The following CUBN variants were observed in gnomAD, a reference collection of about 807,000 sequenced individuals.
The protein encoded by CUBN is 460 kDa receptor.
Under a neutral mutation model 405.3 loss-of-function variants are expected in CUBN, and 282 were observed. That is an observed-to-expected ratio of 0.70 (90% CI 0.63 to 0.77). The LOEUF (loss-of-function observed/expected upper bound fraction) is 0.77. Among genes scored for constraint, CUBN ranks in the 30% least tolerant of loss-of-function variants. The probability of loss-of-function intolerance (pLI) is 0.00; values close to 1 mark genes in which losing one functional copy is unlikely to be tolerated. For synonymous variants in CUBN, 1,684 were observed against 1,617.0 expected, an observed-to-expected ratio of 1.04 and a Z score of -0.99; for missense variants, 4,514 against 4,475.2, an observed-to-expected ratio of 1.01 and a Z score of -0.25.
In CUBN at chr10:16,863,282, A is replaced by G. The variant is rs553122901; in HGVS notation, c.9454+6354T>C. Among the ~76,000 whole-genome samples, 4 of 152,342 alleles carry G rather than the reference A, an allele frequency of 2.6e-5. No homozygotes were observed. The South Asian group carries it at 8.3e-4, about 32-fold the overall frequency. ...TACAGGGCTTAAAAAGAGCGGAAAT[A>G]AGCTTAGTTGGGTTTTTCTTTAAAT... On this transcript the variant is annotated intron_variant, in intron 59 of 66. Coordinates refer to ENST00000377833, the MANE Select transcript of CUBN (RefSeq NM_001081.4).
chr10:17,103,684 A>G (rs554955407), intron 12 of CUBN, among the ~76,000 whole-genome samples: 2 of 152,348 alleles, frequency 1.3e-5, no homozygotes, highest in South Asian at 4.1e-4. Flanking sequence ...ATATAACAAC[A>G]ACCTCTCAAT....
chr10:16,886,191 CAT>C (rs141249186), intron 56 of CUBN, among the ~76,000 whole-genome samples: 1,864 of 152,228 alleles, frequency 0.012, 47 homozygotes, highest in African/African-American at 0.042. Context: ...TAAGCAAACA[CAT>C]GTGCTGAAAA....
At position 17,087,482 on chromosome 10, in the gene CUBN, T is replaced by TA. The variant is rs1564510424; in HGVS notation, c.1947+681_1947+682insT. Among the ~76,000 whole-genome samples the TA allele has an allele frequency of 2.9e-3, 369 of 128,066 alleles. 2 individuals carry two copies. Among genetic ancestry groups the TA allele is most frequent in the Middle Eastern group, 0.012 (3 of 256 alleles). The allele number at this position is 128,066 out of a possible 152,430, so 84.0% of individuals were successfully genotyped here. On this transcript the variant is annotated intron_variant, in intron 15 of 66. Coordinates refer to ENST00000377833, the MANE Select transcript of CUBN (RefSeq NM_001081.4). ...ATTATTTTTCTTTTTCTTTTTTTTT[T>TA]TTTTTTTTTTTTAGACAGAGCCTCA... is the stretch of plus-strand genomic sequence containing the variant.
Position 16,925,735 on chromosome 10 carries a change from G to C in CUBN, c.6311C>G (p.Thr2104Arg), listed in dbSNP as rs372611470. Residue 2104 changes from threonine (T) to arginine (R), a missense_variant, in exon 42 of 67, where the codon ACG becomes AGG. Transcript: ENST00000377833. ...GTAAGTCTCTGGATACTTGGGGGAC[G>C]TGATGATCCCTCTGTCTGCATGCAA... ...GYLHADRGII[T>R]SPKYPETYPS... The C allele has an allele frequency of 1.9e-6, 3 of 1,613,960 alleles. No individual in the cohort carries two copies. Among genetic ancestry groups the C allele is most frequent in the Non-Finnish European group, 2.5e-6 (3 of 1,179,916 alleles).
chr10:16,876,783 C>T, intron 57 of CUBN, 114 bp downstream of exon 57: 1 of 936,896 alleles, frequency 1.1e-6, no homozygotes, highest in East Asian at 2.5e-5. Context: ...CAATCTTTTT[C>T]CCTTAAATTC....
At position 17,114,144 on chromosome 10, in the gene CUBN, T is replaced by G; in HGVS notation, c.766A>C (p.Asn256His). 1.9e-6 allele frequency: 3 copies of G among 1,613,834 alleles called. No individual in the cohort carries two copies. Among genetic ancestry groups the G allele is most frequent in the Non-Finnish European group, 2.5e-6 (3 of 1,179,922 alleles). ...CTGTCCAGCGTGCAGGCAGGGCTGT[T>G]GGGTGAAAACATCCACCCAGCATCA... The part of the protein sequence containing the change: ...VCDAGWMFSP[N>H]SPACTLDRDE... Residue 256 changes from asparagine to histidine, a missense_variant, in exon 8 of 67, where the codon AAC becomes CAC. Around this residue, in one of 5 missense-constraint regions of CUBN, gnomAD observed 1,448 missense variants for 1,388.0 expected, o/e 1.04. Transcript: ENST00000377833.
At chr10:17,115,713 C>T (rs879051846) in intron 6 of CUBN, 116 bp from the exon 7 acceptor site, 44 of 1,310,982 alleles carry the variant, frequency 3.4e-5, no homozygotes, top group Middle Eastern at 4.0e-4. Flanking sequence ...AACTTGGAAT[C>T]GTCAGCCAGC....
chr10:16,860,276 T>C (rs1239255961), intron 59 of CUBN, among the ~76,000 whole-genome samples: 2 of 152,108 alleles, frequency 1.3e-5, no homozygotes, highest in Non-Finnish European at 2.9e-5. Context: ...TTCTTCAGGA[T>C]AGAGACAAGT....
chr10:16,878,769 T>C (rs1840586159), intron 56 of CUBN, among the ~76,000 whole-genome samples: 1 of 152,248 alleles, frequency 6.6e-6, no homozygotes, highest in African/African-American at 2.4e-5. Context: ...TTTCCGCCTC[T>C]ATGGATTTGT....
Position 16,920,035 on chromosome 10 carries a change from A to T in CUBN, c.6749T>A (p.Ile2250Asn). Reference sequence around the variant, plus strand: ...GCGTGTTTCCGGTGGAGCCGCTAAGATCCAAATGCAATCAGCGTGCGGGGG... The same window carrying T: ...GCGTGTTTCCGGTGGAGCCGCTAAGTTCCAAATGCAATCAGCGTGCGGGGG... Reference protein sequence around the residue: ...NYPPHADCIWILAAPPETRIQ... With the variant: ...NYPPHADCIWNLAAPPETRIQ... The change falls in exon 44 of 67, where the codon ATC (isoleucine) becomes AAC (asparagine). Residue 2250 changes from isoleucine to asparagine, a missense_variant. Physicochemically the swap from Ile to Asn is moderately radical, Grantham distance 149. Transcript: ENST00000377833. 1 of 1,614,010 alleles carries T rather than the reference A, an allele frequency of 6.2e-7. No individual in the cohort carries two copies. Among genetic ancestry groups the T allele is most frequent in the South Asian group, 1.1e-5 (1 of 91,080 alleles).
chr10:16,930,099 C>G (rs1842320065), intron 40 of CUBN, among the ~76,000 whole-genome samples: 1 of 152,110 alleles, frequency 6.6e-6, no homozygotes, highest in Non-Finnish European at 1.5e-5. Flanking sequence ...AAGATTGAGC[C>G]TAATCTTGAG....
intron 60 of CUBN, among the ~76,000 whole-genome samples, chr10:16,842,301 G>A (rs1342597540): frequency 6.6e-6 from 1 of 152,118 alleles, no homozygotes; most frequent in African/African-American, 2.4e-5. Context: ...GACAATACAA[G>A]TTCCATGAAT....
At chr10:16,908,934 C>G (rs1337793053) in intron 48 of CUBN, among the ~76,000 whole-genome samples, 4 of 143,584 alleles carry the variant, frequency 2.8e-5, no homozygotes, top group Non-Finnish European at 4.5e-5. Context: ...GGACTGCGGA[C>G]TGCAGTGGCG....
Position 17,068,650 on chromosome 10 carries a change from TAGA to T in CUBN, c.2743_2745del (p.Ser915del), listed in dbSNP as rs768809981. The stretch of plus-strand genomic sequence containing the variant: ...TTAGCCATGAAACCATGGTTTTCAG[TAGA>T]AGAACTTTTCACGAATGTGACATAA... On this transcript the variant is annotated inframe_deletion, in exon 20 of 67. Transcript: ENST00000377833. The T allele has an allele frequency of 5.6e-6, 9 of 1,613,382 alleles. No individual in the cohort carries two copies. Among genetic ancestry groups the T allele is most frequent in the Non-Finnish European group, 6.8e-6 (8 of 1,179,530 alleles).
chr10:16,920,125 T>C lies in CUBN; in HGVS notation c.6659A>G (p.Asn2220Ser). The C allele has an allele frequency of 3.7e-6, 6 of 1,613,902 alleles. No homozygotes were observed. The highest frequency in any genetic ancestry group is 4.2e-6 in the Non-Finnish European group (5 of 1,179,920). ...AGAATCAGCATCATGGATGTAGACG[T>C]TGCCCCCACAGGCTGTGAGCAAACA... ...YEAKSLACGGNVYIHDADSAG... is the reference protein window; with the variant it reads ...YEAKSLACGGSVYIHDADSAG... Residue 2220 changes from asparagine to serine, a missense_variant, in exon 44 of 67, where the codon AAC becomes AGC. Transcript: ENST00000377833.
chr10:16,827,030 G>C (rs1174365461), intron 66 of CUBN, among the ~76,000 whole-genome samples: 1 of 152,128 alleles, frequency 6.6e-6, no homozygotes, highest in Non-Finnish European at 1.5e-5. Context: ...CTCTCTCTCT[G>C]TGGGCCTTCT....
rs1034651620 is a variant in CUBN, at chr10:16,910,267, T to G, written c.7534-2588A>C. 2.8e-4 allele frequency among the ~76,000 whole-genome samples: 43 copies of G among 152,052 alleles called. 1 individual carries two copies. The highest frequency in any genetic ancestry group is 9.9e-4 in the African/African-American group (41 of 41,390). On this transcript the variant is annotated intron_variant, in intron 48 of 66. Transcript: ENST00000377833. ...CTCCTCCTCCTTCTCCTTCTCTTTC[T>G]TCTTCTTCCTCTTTCATCTTTCTTC...
chr10:17,126,527 G>A (rs1837195500), intron 4 of CUBN, among the ~76,000 whole-genome samples: 1 of 152,092 alleles, frequency 6.6e-6, no homozygotes, highest in Non-Finnish European at 1.5e-5. Context: ...GCAAACTCAG[G>A]GTCAGAAGCC....
chr10:17,102,085 C>A (rs1488620135), intron 13 of CUBN, among the ~76,000 whole-genome samples: 1 of 152,078 alleles, frequency 6.6e-6, no homozygotes, highest in Non-Finnish European at 1.5e-5. Context: ...GGCTTGCAGT[C>A]AGTCAACCAG....
Sources: gnomAD v4.1 joint callset for allele counts (sites outside exome capture counted in the v4.1 genomes callset) on GRCh38, gnomAD v4.1.1 for gene constraint, gnomAD v4.1.1 regional missense constraint, MANE v1.5 for transcripts, NCBI Gene and HGNC (gene_info 2026-07-23, HGNC 2026-07-21) for gene names.